The following TMPRSS13 variants were observed in gnomAD, a reference collection of about 807,000 sequenced individuals.
The protein encoded by TMPRSS13 is transmembrane protease serine 13.
In TMPRSS13, 50 loss-of-function variants were observed where a neutral mutation model predicts 68.4. That is an observed-to-expected ratio of 0.73 (90% confidence interval 0.58 to 0.93). The LOEUF (loss-of-function observed/expected upper bound fraction) is 0.93. Ranked by LOEUF, TMPRSS13 falls within the 40% of genes least tolerant of loss-of-function variation. TMPRSS13 has a pLI of 0.00. For missense variants in TMPRSS13, 615 were observed against 729.2 expected (o/e 0.84, Z 1.80); for synonymous variants, 267 against 285.8 (o/e 0.93, Z 0.66).
At position 117,914,320 on chromosome 11, in the gene TMPRSS13, C is replaced by T; in HGVS notation, c.679+72G>A. The T allele has an allele frequency of 1.3e-6, 2 of 1,590,802 alleles. No individual in the cohort carries two copies. Among genetic ancestry groups the T allele is most frequent in the East Asian group, 4.5e-5 (2 of 44,800 alleles). On this transcript the variant is annotated intron_variant, in intron 4 of 12. Coordinates refer to ENST00000524993, the MANE Select transcript of TMPRSS13 (RefSeq NM_001077263.3). This position sits in a 1 kb window ranked among gnomAD's most constrained non-coding sequence, Gnocchi z 4.2. ...ACACACACAGGCATGCATACACACA[C>T]ACATATACAAACAGGCACACAAACA... is the stretch of plus-strand genomic sequence containing the variant.
chr11:117,904,127 C>A, intron 10 of TMPRSS13, 26 bp from the exon 11 acceptor site: 1 of 1,610,132 alleles, frequency 6.2e-7, no homozygotes, highest in South Asian at 1.1e-5. Flanking sequence ...GTGGAGGAGA[C>A]AGAGGATGGG....
intron 1 of TMPRSS13, among the ~76,000 whole-genome samples, chr11:117,925,242 T>A (rs2057694005): frequency 1.3e-5 from 2 of 152,202 alleles, no homozygotes; most frequent in African/African-American, 4.8e-5. Context: ...AACATTCATT[T>A]GAACAAAAGA....
At chr11:117,903,541 C>T (rs374280624) in intron 12 of TMPRSS13, 114 bp downstream of exon 12, 110 of 1,570,826 alleles carry the variant, frequency 7.0e-5, no homozygotes, top group South Asian at 3.4e-4. Flanking sequence ...GAACACCCCC[C>T]GAATATGGGG....
rs1317056940 is a variant in TMPRSS13 at position 117,922,051 on chromosome 11, C to A, written c.22-3213G>T. On this transcript the variant is annotated intron_variant, in intron 1 of 12. Coordinates refer to ENST00000524993, the MANE Select transcript of TMPRSS13 (RefSeq NM_001077263.3). This position sits in a 1 kb window ranked among gnomAD's most constrained non-coding sequence, Gnocchi z 4.2. ...CCTTCTTTAGGCACTTCACGGCCTGCTGCCCCACGCTGCTGGAAGTTCTTC... is the reference window on the plus strand; with the variant it reads ...CCTTCTTTAGGCACTTCACGGCCTGATGCCCCACGCTGCTGGAAGTTCTTC... Among the ~76,000 whole-genome samples, 1 of 152,224 alleles carries A rather than the reference C, an allele frequency of 6.6e-6. No individual in the cohort carries two copies. Among genetic ancestry groups the A allele is most frequent in the African/African-American group, 2.4e-5 (1 of 41,450 alleles).
intron 1 of TMPRSS13, among the ~76,000 whole-genome samples, chr11:117,923,440 G>A (rs2057667320): frequency 6.6e-6 from 1 of 152,184 alleles, no homozygotes. Context: ...GGGGGCCTGA[G>A]TGATGTGGGC....
At chr11:117,903,335 A>C in intron 12 of TMPRSS13, 5 of 1,467,696 alleles carry the variant, frequency 3.4e-6, no homozygotes, top group Non-Finnish European at 4.6e-6. Flanking sequence ...CTCTGCAGAA[A>C]CTGAAACGTT....
rs377543493 is a variant in TMPRSS13 at position 117,903,955 on chromosome 11, T to C, written c.1524+4A>G. ...ACCTGAGCCCCACCCACAGGTACCC[T>C]CACCTGGCAGGAGTCTCTGCCCCCA... is the stretch of plus-strand genomic sequence containing the variant. On this transcript the variant is annotated splice_donor_region_variant and intron_variant, in intron 11 of 12. Coordinates refer to ENST00000524993, the MANE Select transcript of TMPRSS13 (RefSeq NM_001077263.3). The C allele has an allele frequency of 1.6e-5, 25 of 1,610,494 alleles. No individual in the cohort carries two copies. Among genetic ancestry groups the C allele is most frequent in the Non-Finnish European group, 2.1e-5 (25 of 1,178,616 alleles).
chr11:117,927,363 TA>T (rs1219449202), intron 1 of TMPRSS13, among the ~76,000 whole-genome samples: 1 of 152,236 alleles, frequency 6.6e-6, no homozygotes, highest in East Asian at 1.9e-4. Context: ...TATTCCATTT[TA>T]CAGATGAAGA....
chr11:117,902,524 C>A (rs1004257952), intron 12 of TMPRSS13, among the ~76,000 whole-genome samples: 2 of 152,208 alleles, frequency 1.3e-5, no homozygotes, highest in Non-Finnish European at 2.9e-5. Context: ...GGCAGAGCAC[C>A]CCCTGCTTTA....
In TMPRSS13 at chr11:117,914,271, A is replaced by G; in HGVS notation, c.679+121T>C. ...CATGCATACACACAAACATGCACAT[A>G]CACACACATGCACGCACACATATAC... On this transcript the variant is annotated intron_variant, in intron 4 of 12. Coordinates refer to ENST00000524993, the MANE Select transcript of TMPRSS13 (RefSeq NM_001077263.3). This position sits in a 1 kb window ranked among gnomAD's most constrained non-coding sequence, Gnocchi z 4.2. The G allele has an allele frequency of 1.5e-6, 2 of 1,343,510 alleles. No individual in the cohort carries two copies. The highest frequency in any genetic ancestry group is 1.3e-5 in the South Asian group (1 of 77,798). 83.2% of individuals were successfully genotyped at this position (1,343,510 alleles called of 1,614,324 possible). A position where few individuals can be genotyped will look rare whatever the true frequency, so the allele number is the denominator to read the frequency against.
In TMPRSS13 at chr11:117,914,721, G is replaced by A. The variant is rs529381814; in HGVS notation, c.557-207C>T. ...AGCTCCTGCAAGCAGGGCAGCACCA[G>A]GCAGATTCAAGCAGCCAGCCACCCA... On this transcript the variant is annotated intron_variant, in intron 3 of 12. Coordinates refer to ENST00000524993, the MANE Select transcript of TMPRSS13 (RefSeq NM_001077263.3). This position sits in a 1 kb window ranked among gnomAD's most constrained non-coding sequence, Gnocchi z 4.2. Among the ~76,000 whole-genome samples the A allele has an allele frequency of 1.3e-5, 2 of 152,220 alleles. No homozygotes were observed. The highest frequency in any genetic ancestry group is 3.9e-4 in the East Asian group (2 of 5,170).
rs2057457928 is a variant in TMPRSS13, at chr11:117,905,710, T to C, written c.1309A>G (p.Met437Val). 6.2e-7 allele frequency: 1 copy of C among 1,603,640 alleles called. No homozygotes were observed. The highest frequency in any genetic ancestry group is 8.5e-7 in the Non-Finnish European group (1 of 1,173,852). The change falls in exon 10 of 13, where the codon ATG (methionine) becomes GTG (valine). Residue 437 changes from methionine to valine, a missense_variant. Coordinates refer to ENST00000524993, the MANE Select transcript of TMPRSS13 (RefSeq NM_001077263.3). ...SAHIHPACLP[M>V]HGQTFSLNET... ...TTGAGGCTAAAGGTCTGTCCATGCA[T>C]GGGGAGGCAAGCAGGGTGGATGTGA... is the stretch of plus-strand genomic sequence containing the variant.
intron 1 of TMPRSS13, among the ~76,000 whole-genome samples, chr11:117,924,970 G>A (rs2057690246): frequency 6.6e-6 from 1 of 152,308 alleles, no homozygotes; most frequent in Admixed American, 6.5e-5. Context: ...TGGGGGTGGG[G>A]GGCACGGGGA....
intron 1 of TMPRSS13, among the ~76,000 whole-genome samples, chr11:117,920,841 T>C (rs904294688): frequency 3.9e-5 from 6 of 152,204 alleles, no homozygotes; most frequent in Non-Finnish European, 7.3e-5. Context: ...GGGCTTGCTA[T>C]GGAAAAATCT....
At chr11:117,907,512 C>T (rs2057475510) in intron 9 of TMPRSS13, 1 of 152,352 alleles carries the variant, frequency 6.6e-6, no homozygotes, top group East Asian at 1.9e-4. Context: ...AGGCTCAGAG[C>T]ACGAGAATGG....
chr11:117,928,358 G>A (rs2057727094), intron 1 of TMPRSS13, among the ~76,000 whole-genome samples: 2 of 152,114 alleles, frequency 1.3e-5, no homozygotes, highest in South Asian at 4.1e-4. Context: ...AAAAAATGAT[G>A]GTAAAGTTTG....
chr11:117,908,468 T>G, intron 9 of TMPRSS13, 144 bp downstream of exon 9: 2 of 850,268 alleles, frequency 2.4e-6, no homozygotes, highest in Non-Finnish European at 3.7e-6. Flanking sequence ...AAGTGTTCCA[T>G]GTAAGGATCT....
intron 9 of TMPRSS13, 51 bp from the exon 10 acceptor site, chr11:117,905,787 G>A (rs757286652): frequency 2.1e-5 from 30 of 1,448,638 alleles, no homozygotes; most frequent in Non-Finnish European, 2.8e-5. Context: ...GAGACTTTCA[G>A]TAGGGGGAGG....
chr11:117,920,494 G>A (rs779142340), intron 1 of TMPRSS13, among the ~76,000 whole-genome samples: 18 of 151,392 alleles, frequency 1.2e-4, no homozygotes, highest in African/African-American at 3.2e-4. Context: ...GTGCACCACC[G>A]TGCCTGGCTA....
Sources: allele counts gnomAD v4.1 joint callset (sites outside exome capture counted in the v4.1 genomes callset), GRCh38; gene constraint gnomAD v4.1.1; non-coding constraint Gnocchi (gnomAD v3.1); transcripts MANE v1.5; gene names NCBI Gene and HGNC (gene_info 2026-07-23, HGNC 2026-07-21).